Variants in RNF38 observed in about 807,000 individuals in gnomAD.
The protein encoded by RNF38 is ring finger protein 38.
Under a neutral mutation model 67.2 loss-of-function variants are expected in RNF38, and 15 were observed. The ratio of observed to expected loss-of-function variants is 0.22; its 90% CI spans 0.15 to 0.34. The LOEUF (loss-of-function observed/expected upper bound fraction) is 0.34. RNF38 is among the 10% of genes least tolerant of loss of function. The pLI, the probability that RNF38 is intolerant of heterozygous loss-of-function variation, is 1.00. For missense variants in RNF38, 524 were observed against 639.9 expected (o/e 0.82, Z 1.95); for synonymous variants, 220 against 218.8 (o/e 1.01, Z -0.05).
intron 1 of RNF38, among the ~76,000 whole-genome samples, chr9:36,480,405 G>A (rs1840223351): frequency 6.6e-6 from 1 of 152,154 alleles, no homozygotes; most frequent in African/African-American, 2.4e-5. Flanking sequence ...AGGTCAGCAT[G>A]CAGCATCTGC....
Position 36,360,820 on chromosome 9 carries a change from A to AT in RNF38, c.571-2879dup, listed in dbSNP as rs1296659501. Among the ~76,000 whole-genome samples, 13 of 151,866 alleles carry AT rather than the reference A, an allele frequency of 8.6e-5. 1 individual carries two copies. Among genetic ancestry groups the AT allele is most frequent in the Non-Finnish European group, 1.8e-4 (12 of 67,948 alleles). ...CCCTACCCCGACCAACTGCACACACATTTTTTTTGAGACAGAGTCTTGATA... is the reference window on the plus strand; with the variant it reads ...CCCTACCCCGACCAACTGCACACACATTTTTTTTTGAGACAGAGTCTTGATA... On this transcript the variant is annotated intron_variant, in intron 4 of 11. Transcript: ENST00000259605.
intron 6 of RNF38, among the ~76,000 whole-genome samples, chr9:36,355,905 G>A (rs1041635878): frequency 2.6e-5 from 4 of 152,158 alleles, no homozygotes; most frequent in Non-Finnish European, 4.4e-5. Context: ...GGAGTGCAGT[G>A]GCATGATCTT....
chr9:36,478,280 T>G (rs985794803), intron 1 of RNF38, among the ~76,000 whole-genome samples: 4 of 151,214 alleles, frequency 2.6e-5, no homozygotes, highest in Non-Finnish European at 4.4e-5. Flanking sequence ...AGCGGGCATC[T>G]GTAGTCCCAG....
chr9:36,436,328 T>C (rs1371841241), intron 1 of RNF38, among the ~76,000 whole-genome samples: 2 of 152,102 alleles, frequency 1.3e-5, no homozygotes, highest in South Asian at 4.1e-4. Flanking sequence ...ACAGTGATAA[T>C]CCAAACAAGA....
intron 2 of RNF38, among the ~76,000 whole-genome samples, chr9:36,388,409 T>C (rs1243816602): frequency 6.6e-6 from 1 of 151,914 alleles, no homozygotes; most frequent in African/African-American, 2.4e-5. Context: ...CAAGCAAATA[T>C]GAGAAGCAAA....
chr9:36,456,308 C>T (rs1390611075), intron 1 of RNF38, among the ~76,000 whole-genome samples: 1 of 152,172 alleles, frequency 6.6e-6, no homozygotes, highest in Non-Finnish European at 1.5e-5. Flanking sequence ...CTGCCCACCT[C>T]GGCCTCCCAA....
chr9:36,376,392 CAT>C (rs1247986460), intron 2 of RNF38, among the ~76,000 whole-genome samples: 2 of 152,122 alleles, frequency 1.3e-5, no homozygotes, highest in Non-Finnish European at 2.9e-5. Context: ...GAGGTAACGA[CAT>C]ATAGGGTATA....
chr9:36,349,546 T>C (rs1833540494), intron 9 of RNF38, among the ~76,000 whole-genome samples: 1 of 152,340 alleles, frequency 6.6e-6, no homozygotes, highest in South Asian at 2.1e-4. Flanking sequence ...ATCAGATGTT[T>C]TTCATATTTT....
intron 1 of RNF38, among the ~76,000 whole-genome samples, chr9:36,439,383 A>AT (rs550291099): frequency 3.3e-5 from 5 of 151,196 alleles, no homozygotes; most frequent in African/African-American, 9.7e-5. Context: ...AGTGACCCTC[A>AT]TTTTTTTTTC....
intron 1 of RNF38, among the ~76,000 whole-genome samples, chr9:36,451,150 G>A (rs1306155324): frequency 6.6e-6 from 1 of 151,740 alleles, no homozygotes; most frequent in Non-Finnish European, 1.5e-5. Context: ...ACAAACAAGC[G>A]GCTTTCTTCA....
At chr9:36,444,458 T>G (rs1041363794) in intron 1 of RNF38, among the ~76,000 whole-genome samples, 3 of 152,090 alleles carry the variant, frequency 2.0e-5, no homozygotes, top group African/African-American at 7.2e-5. Context: ...ACCCTGGAAC[T>G]TAAAAGCTGA....
chr9:36,418,189 C>T (rs2134222648), intron 2 of RNF38, among the ~76,000 whole-genome samples: 1 of 151,846 alleles, frequency 6.6e-6, no homozygotes, highest in South Asian at 2.1e-4. Flanking sequence ...CCACTAGGCC[C>T]AGCTAATTTT....
chr9:36,358,581 AG>A (rs1204111846), intron 4 of RNF38, among the ~76,000 whole-genome samples: 1 of 152,246 alleles, frequency 6.6e-6, no homozygotes, highest in Non-Finnish European at 1.5e-5. Context: ...GGGAGTTAAA[AG>A]TAACTTGTTC....
intron 1 of RNF38, among the ~76,000 whole-genome samples, chr9:36,431,346 C>T (rs982644968): frequency 6.6e-6 from 1 of 152,182 alleles, no homozygotes; most frequent in Non-Finnish European, 1.5e-5. Context: ...TAGCACGTTA[C>T]TGTACTGAAT....
intron 1 of RNF38, among the ~76,000 whole-genome samples, chr9:36,449,592 C>T (rs745374873): frequency 4.6e-5 from 7 of 152,134 alleles, no homozygotes; most frequent in East Asian, 1.9e-4. Context: ...CGTGCCAACA[C>T]GCCCGGCTAA....
intron 4 of RNF38, among the ~76,000 whole-genome samples, chr9:36,361,961 C>A (rs754547990): frequency 1.3e-5 from 2 of 152,188 alleles, no homozygotes; most frequent in Non-Finnish European, 2.9e-5. Flanking sequence ...GACTGTGTTA[C>A]AACTACTGCT....
intron 1 of RNF38, among the ~76,000 whole-genome samples, chr9:36,425,522 T>C (rs778086461): frequency 9.2e-5 from 14 of 152,086 alleles, no homozygotes; most frequent in Non-Finnish European, 1.8e-4. Context: ...GGTGAAACCC[T>C]GTCTCTACTA....
chr9:36,423,809 C>T (rs1297676144), intron 2 of RNF38, among the ~76,000 whole-genome samples: 11 of 88,902 alleles, frequency 1.2e-4, no homozygotes, highest in African/African-American at 3.6e-4. Flanking sequence ...ATTAGCCGGG[C>T]GTGGTGGCGG....
rs182004801 is a variant in RNF38, at chr9:36,368,475, A to G, written c.570+1244T>C. 1.9e-3 allele frequency among the ~76,000 whole-genome samples: 292 copies of G among 152,280 alleles called. 1 individual carries two copies. Among genetic ancestry groups the G allele is most frequent in the South Asian group, 3.7e-3 (18 of 4,830 alleles). Reference sequence around the variant, plus strand: ...CACATAGTCCTATATACATACACTCATATACATATTAATTATGCTTTACAA... The same window carrying G: ...CACATAGTCCTATATACATACACTCGTATACATATTAATTATGCTTTACAA... On this transcript the variant is annotated intron_variant, in intron 4 of 11. Transcript: ENST00000259605.
Sources: gnomAD v4.1 joint callset for allele counts (sites outside exome capture counted in the v4.1 genomes callset) on GRCh38, gnomAD v4.1.1 for gene constraint, MANE v1.5 for transcripts, NCBI Gene and HGNC (gene_info 2026-07-23, HGNC 2026-07-21) for gene names.